ANK1: variants seen among roughly 807,000 people sequenced by gnomAD.
The protein encoded by ANK1 is ankyrin 1.
In ANK1, 51 loss-of-function variants were observed where a neutral mutation model predicts 210.4. That is an observed-to-expected ratio of 0.24 (90% CI 0.19 to 0.31). The LOEUF is 0.31. ANK1 is among the 10% of genes least tolerant of loss of function. The pLI, the probability that ANK1 is intolerant of heterozygous loss-of-function variation, is 1.00. For missense variants in ANK1, 2,051 were observed against 2,504.4 expected (o/e 0.82, Z 3.86); for synonymous variants, 967 against 1,025.9 (o/e 0.94, Z 1.10).
At chr8:41,841,096 C>T (rs774397759) in intron 1 of ANK1, among the ~76,000 whole-genome samples, 3 of 152,222 alleles carry the variant, frequency 2.0e-5, no homozygotes, top group Non-Finnish European at 4.4e-5. Context: ...GAGACACCTG[C>T]AGCCCCACAT....
chr8:41,783,768 C>T (rs963618742), intron 1 of ANK1, among the ~76,000 whole-genome samples: 2 of 152,166 alleles, frequency 1.3e-5, no homozygotes, highest in African/African-American at 4.8e-5. Flanking sequence ...AAGCATATTA[C>T]AGCCCTGAGC....
intron 21 of ANK1, 89 bp from the exon 22 acceptor site, chr8:41,701,711 G>A: frequency 1.5e-6 from 2 of 1,336,754 alleles, no homozygotes; most frequent in Non-Finnish European, 1.1e-6. Flanking sequence ...ATGCCTGTGG[G>A]GTTTCCCACA....
Position 41,672,530 on chromosome 8 carries a change from C to A in ANK1, c.4920G>T (p.Gln1640His). 3 of 1,614,254 alleles carry A rather than the reference C, an allele frequency of 1.9e-6. No individual in the cohort carries two copies. Among genetic ancestry groups the A allele is most frequent in the Non-Finnish European group, 2.5e-6 (3 of 1,180,046 alleles). Residue 1640 changes from glutamine to histidine, a missense_variant, in exon 38 of 43, where the codon CAG (glutamine) becomes CAT (histidine). Around this residue, in one of 6 missense-constraint regions of ANK1, gnomAD observed 496 missense variants for 533.4 expected, o/e 0.93. Transcript: ENST00000289734. The stretch of plus-strand genomic sequence containing the variant: ...TCTCTTCTGACCTCTGACCTTCCTC[C>A]TGTTCAAGCAAATCGATAAGGCCAT... ...ATNGLIDLLE[Q>H]EEGQRSEEKL...
intron 1 of ANK1, chr8:41,829,371 C>G (rs1806142508): frequency 6.6e-6 from 1 of 152,226 alleles, no homozygotes; most frequent in Admixed American, 6.5e-5. Flanking sequence ...TCTCAGGGGG[C>G]ACATGCCCAT....
intron 1 of ANK1, among the ~76,000 whole-genome samples, chr8:41,786,199 A>G (rs181858236): frequency 1.6e-4 from 24 of 152,282 alleles, no homozygotes; most frequent in Middle Eastern, 3.4e-3. Context: ...CTGAAAGAAG[A>G]GGAGGAGCTC....
In ANK1 at chr8:41,792,479, C is replaced by T. The variant is rs541620202; in HGVS notation, c.27+5033G>A. Among the ~76,000 whole-genome samples, 5 of 152,358 alleles carry T rather than the reference C, an allele frequency of 3.3e-5. No individual in the cohort carries two copies. In the South Asian group the frequency reaches 1.0e-3, roughly 32 times the overall value. ...CGAAGGAGAAGCAGGAGCTCAGACT[C>T]ATTCATGGGTTTCCAATTAATTCAC... On this transcript the variant is annotated intron_variant, in intron 1 of 42. Transcript: ENST00000289734.
chr8:41,842,841 G>C (rs1304491283), intron 1 of ANK1, among the ~76,000 whole-genome samples: 4 of 152,002 alleles, frequency 2.6e-5, no homozygotes, highest in Non-Finnish European at 5.9e-5. Context: ...ATTTTTGGGG[G>C]GTTGTTCATT....
rs7001141 is a variant in ANK1, at chr8:41,696,479, G to A, written c.2844C>T (p.Arg948=). 226 of 1,613,414 alleles carry A rather than the reference G, an allele frequency of 1.4e-4. No individual in the cohort carries two copies. The African/African-American group carries it at 2.3e-3, about 16-fold the overall frequency. ...IPPRTCAAPT[R]ITCRLVKPQK... ...GGGGCTTGACCAGGCGGCAGGTGAT[G>A]CGGGTGGGCGCTGCGCACGTCCGTG... The change falls in exon 26 of 43, where the codon CGC becomes CGT. Residue 948 remains arginine, a synonymous_variant. Coordinates refer to ENST00000289734, the MANE Select transcript of ANK1 (RefSeq NM_000037.4).
At chr8:41,871,629 C>T (rs1463839971) in intron 1 of ANK1, among the ~76,000 whole-genome samples, 1 of 152,146 alleles carries the variant, frequency 6.6e-6, no homozygotes, top group Non-Finnish European at 1.5e-5. Context: ...TGGACATGTG[C>T]TCTCCCACAG....
intron 1 of ANK1, among the ~76,000 whole-genome samples, chr8:41,759,206 A>T (rs1196189170): frequency 6.6e-6 from 1 of 152,190 alleles, no homozygotes; most frequent in Non-Finnish European, 1.5e-5. Flanking sequence ...ATACTAAAAT[A>T]AAAAGTAATA....
chr8:41,665,780 A>G (rs1194248984), intron 39 of ANK1: 4 of 162,864 alleles, frequency 2.5e-5, no homozygotes, highest in Non-Finnish European at 2.7e-5. Flanking sequence ...AATTCCTGTC[A>G]GCCCACAGGC....
intron 1 of ANK1, among the ~76,000 whole-genome samples, chr8:41,865,716 C>T (rs1276051145): frequency 6.6e-6 from 1 of 152,240 alleles, no homozygotes; most frequent in Non-Finnish European, 1.5e-5. Context: ...CCCTCTCCCT[C>T]CTCCCCCCAG....
At chr8:41,794,655 A>G (rs1340238677) in intron 1 of ANK1, among the ~76,000 whole-genome samples, 3 of 152,150 alleles carry the variant, frequency 2.0e-5, no homozygotes, top group Admixed American at 6.5e-5. Flanking sequence ...CCCCAACAGG[A>G]CCTAATACAC....
Position 41,733,931 on chromosome 8 carries a change from A to T in ANK1, c.228+40T>A, listed in dbSNP as rs1201811292. 6 of 1,575,158 alleles carry T rather than the reference A, an allele frequency of 3.8e-6. No homozygotes were observed. The African/African-American group carries it at 6.7e-5, about 18-fold the overall frequency. Reference sequence around the variant, plus strand: ...TCTAAGGAAGGACTCACAAACTTGAATTTTCAATGCAAAGCTCCCCCACTC... The same window carrying T: ...TCTAAGGAAGGACTCACAAACTTGATTTTTCAATGCAAAGCTCCCCCACTC... On this transcript the variant is annotated intron_variant, in intron 3 of 42. Transcript: ENST00000289734.
intron 1 of ANK1, among the ~76,000 whole-genome samples, chr8:41,811,690 G>T (rs920526328): frequency 1.3e-5 from 2 of 152,218 alleles, no homozygotes; most frequent in Non-Finnish European, 2.9e-5. Context: ...GTGTTCAACT[G>T]CACAGTGGGA....
intron 1 of ANK1, among the ~76,000 whole-genome samples, chr8:41,803,060 A>AAAGGG (rs1850295948): frequency 1.7e-5 from 1 of 59,038 alleles, no homozygotes; most frequent in Non-Finnish European, 3.3e-5. Flanking sequence ...AGAAAGAGAG[A>AAAGGG]AAGGAAGGAA....
At chr8:41,772,980 G>A (rs2150736325) in intron 1 of ANK1, among the ~76,000 whole-genome samples, 1 of 152,202 alleles carries the variant, frequency 6.6e-6, no homozygotes, top group Non-Finnish European at 1.5e-5. Context: ...TTGGGGAAAT[G>A]TTATTAACTA....
At chr8:41,761,431 G>A (rs1840433436) in intron 1 of ANK1, among the ~76,000 whole-genome samples, 1 of 152,166 alleles carries the variant, frequency 6.6e-6, no homozygotes, top group African/African-American at 2.4e-5. Context: ...GTGAAACTAT[G>A]TGAAGACAGA....
At chr8:41,672,963 C>T (rs1271331401) in intron 37 of ANK1, 51 bp from the exon 38 acceptor site, 16 of 1,536,596 alleles carry the variant, frequency 1.0e-5, no homozygotes, top group Admixed American at 5.3e-5. Flanking sequence ...TCCTGTCCCA[C>T]CCATTCACGT....
Sources: allele counts gnomAD v4.1 joint callset (sites outside exome capture counted in the v4.1 genomes callset), GRCh38; gene constraint gnomAD v4.1.1; regional missense constraint gnomAD v4.1.1; transcripts MANE v1.5; gene names NCBI Gene and HGNC (gene_info 2026-07-23, HGNC 2026-07-21).